The following EFR3B variants were observed in gnomAD, a reference collection of about 807,000 sequenced individuals.
EFR3B encodes the protein EFR3 homolog B, also known as protein EFR3 homolog B.
A neutral mutation model predicts 104.7 loss-of-function variants in EFR3B; 64 were observed. The observed-to-expected ratio is 0.61, with a 90% CI of 0.50 to 0.75. EFR3B has a LOEUF of 0.75. Among genes scored for constraint, EFR3B ranks in the 30% least tolerant of loss-of-function variants. The pLI is 0.00. For synonymous variants in EFR3B, 385 were observed against 417.9 expected, an observed-to-expected ratio of 0.92 and a Z score of 0.96; for missense variants, 750 against 1,078.5, an observed-to-expected ratio of 0.70 and a Z score of 4.27.
At chr2:25,124,277 AGTGTGT>A (rs5829961) in intron 5 of EFR3B, among the ~76,000 whole-genome samples, 7,716 of 124,394 alleles carry the variant, frequency 0.062, 224 homozygotes, top group Non-Finnish European at 0.073. Flanking sequence ...TGTGCATGCA[AGTGTGT>A]GTGTGTGTGT....
chr2:25,109,827 C>T (rs488817), intron 4 of EFR3B, among the ~76,000 whole-genome samples: 55,613 of 152,026 alleles, frequency 0.37, 12,243 homozygotes, highest in Admixed American at 0.53. Flanking sequence ...GAATTGGGCA[C>T]TTTAAAATGG....
At position 25,096,118 on chromosome 2, in the gene EFR3B, C is replaced by T. The variant is rs563120377; in HGVS notation, c.212+2988C>T. On this transcript the variant is annotated intron_variant, in intron 3 of 22. Transcript: ENST00000403714. ...GCAACCTCTGCCTCCTGGGTTCAAG[C>T]GATTCTCCTGCCTCAGCCTCCTGAA... is the stretch of plus-strand genomic sequence containing the variant. Among the ~76,000 whole-genome samples, 280 of 152,132 alleles carry T rather than the reference C, an allele frequency of 1.8e-3. 1 individual carries two copies. The highest frequency in any genetic ancestry group is 6.2e-3 in the African/African-American group (258 of 41,508).
chr2:25,112,430 G>A (rs1445100131), intron 4 of EFR3B, among the ~76,000 whole-genome samples: 2 of 152,248 alleles, frequency 1.3e-5, no homozygotes, highest in African/African-American at 2.4e-5. Flanking sequence ...GAGTCTTGAA[G>A]GGGGGACTGT....
intron 5 of EFR3B, among the ~76,000 whole-genome samples, chr2:25,124,486 G>C (rs1053532628): frequency 6.6e-6 from 1 of 152,038 alleles, no homozygotes; most frequent in Non-Finnish European, 1.5e-5. Context: ...CAGCACTTTG[G>C]GAGGCCGAGC....
At chr2:25,043,198 C>A (rs1014268570) in intron 1 of EFR3B, among the ~76,000 whole-genome samples, 1 of 152,026 alleles carries the variant, frequency 6.6e-6, no homozygotes, top group African/African-American at 2.4e-5. Flanking sequence ...GTGTGTGATC[C>A]CGGTAGACAT....
At chr2:25,129,278 G>A (rs1670258181) in intron 6 of EFR3B, among the ~76,000 whole-genome samples, 1 of 148,534 alleles carries the variant, frequency 6.7e-6, no homozygotes, top group African/African-American at 2.5e-5. Flanking sequence ...AGGCTAGTTA[G>A]GTCGGTTGAT....
At chr2:25,106,120 C>T (rs539827113) in intron 4 of EFR3B, among the ~76,000 whole-genome samples, 20 of 152,288 alleles carry the variant, frequency 1.3e-4, no homozygotes, top group East Asian at 7.7e-4. Context: ...TGCTCCTCAT[C>T]GTTTTAGACC....
chr2:25,113,440 C>T (rs1669776276), intron 4 of EFR3B, among the ~76,000 whole-genome samples: 1 of 152,064 alleles, frequency 6.6e-6, no homozygotes, highest in Non-Finnish European at 1.5e-5. Context: ...AATCCCAGCA[C>T]TCCTGACCTT....
At chr2:25,094,850 C>A (rs1669234507) in intron 3 of EFR3B, among the ~76,000 whole-genome samples, 1 of 152,092 alleles carries the variant, frequency 6.6e-6, no homozygotes, top group African/African-American at 2.4e-5. Context: ...AGTGCAGTGG[C>A]ATGATCTTGG....
chr2:25,111,382 TGCCCATTTCTCCCTGGGATCAC>T (rs978620216), intron 4 of EFR3B, among the ~76,000 whole-genome samples: 7 of 151,692 alleles, frequency 4.6e-5, no homozygotes, highest in South Asian at 2.1e-4. Flanking sequence ...CCTGGGATCG[TGCCCATTTCTCCCTGGGATCAC>T]GCCCATTTCT....
chr2:25,061,524 C>T (rs978142047), intron 1 of EFR3B, among the ~76,000 whole-genome samples: 1 of 151,890 alleles, frequency 6.6e-6, no homozygotes, highest in African/African-American at 2.4e-5. Flanking sequence ...GACGGAGTCT[C>T]CCTCTGTTGC....
intron 4 of EFR3B, among the ~76,000 whole-genome samples, chr2:25,106,100 A>C (rs1379573490): frequency 6.6e-6 from 1 of 152,172 alleles, no homozygotes; most frequent in African/African-American, 2.4e-5. Context: ...TCCTGAGAAG[A>C]GTGTCCTTTT....
intron 1 of EFR3B, among the ~76,000 whole-genome samples, chr2:25,056,450 TAACAA>T (rs1485695508): frequency 3.3e-5 from 5 of 150,222 alleles, no homozygotes; most frequent in African/African-American, 1.2e-4. Flanking sequence ...TTTTTTTTTT[TAACAA>T]AACAAGAATG....
chr2:25,046,817 T>TA (rs1667734480), intron 1 of EFR3B, among the ~76,000 whole-genome samples: 1 of 152,154 alleles, frequency 6.6e-6, no homozygotes, highest in Non-Finnish European at 1.5e-5. Flanking sequence ...TACAAAGTCT[T>TA]ACTCTGCAGA....
Position 25,131,639 on chromosome 2 carries a change from C to T in EFR3B, c.986-111C>T. 6.7e-7 allele frequency: 1 copy of T among 1,491,158 alleles called. No individual in the cohort carries two copies. The highest frequency in any genetic ancestry group is 9.0e-7 in the Non-Finnish European group (1 of 1,113,940). 92.4% of individuals were successfully genotyped at this position (1,491,158 alleles called of 1,614,324 possible). On this transcript the variant is annotated intron_variant, in intron 9 of 22. Coordinates refer to ENST00000403714, the MANE Select transcript of EFR3B (RefSeq NM_014971.2). The surrounding 1 kb of genome is among the most constrained non-coding windows in gnomAD (Gnocchi z 7.6). The stretch of plus-strand genomic sequence containing the variant: ...GAAGTCCGCCAGGAAGTTGGGAGCG[C>T]AGAGGAAGCCCAGGCTGGAAGGGGG...
intron 1 of EFR3B, among the ~76,000 whole-genome samples, chr2:25,059,581 G>T (rs796463853): frequency 0.13 from 18,191 of 139,968 alleles, 2,717 homozygotes; most frequent in South Asian, 0.22. Context: ...GCGGGGGGGG[G>T]GGGGGTGGAG....
intron 6 of EFR3B, among the ~76,000 whole-genome samples, chr2:25,128,686 C>T (rs1175686349): frequency 6.6e-6 from 1 of 152,038 alleles, no homozygotes; most frequent in South Asian, 2.1e-4. Context: ...GGGCCGGGCG[C>T]GGTGGCTCAC....
At chr2:25,050,396 G>A (rs890136877) in intron 1 of EFR3B, among the ~76,000 whole-genome samples, 1 of 152,194 alleles carries the variant, frequency 6.6e-6, no homozygotes, top group Non-Finnish European at 1.5e-5. Flanking sequence ...CTGTGCATAT[G>A]CAAAGGATGA....
chr2:25,135,537 C>T lies in EFR3B; in HGVS notation c.1382C>T (p.Ser461Phe), dbSNP rs1573229636. The change falls in exon 13 of 23, where the codon TCC becomes TTC. Residue 461 changes from serine to phenylalanine, a missense_variant. Physicochemically the swap from Ser to Phe is radical, Grantham distance 155. Coordinates refer to ENST00000403714, the MANE Select transcript of EFR3B (RefSeq NM_014971.2). ...LPSNFLDRLL[S>F]TALMEDAEIR... ...AGCAACTTCCTGGACCGCCTTCTCT[C>T]CACCGCCCTCATGGAGGATGCAGAA... The T allele has an allele frequency of 1.9e-6, 3 of 1,551,914 alleles. No homozygotes were observed. The highest frequency in any genetic ancestry group is 2.4e-5 in the East Asian group (1 of 40,928).
Sources: allele counts gnomAD v4.1 joint callset (sites outside exome capture counted in the v4.1 genomes callset), GRCh38; gene constraint gnomAD v4.1.1; non-coding constraint Gnocchi (gnomAD v3.1); transcripts MANE v1.5; gene names NCBI Gene and HGNC (gene_info 2026-07-23, HGNC 2026-07-21).